The following CNPY1 variants were observed in gnomAD, a reference collection of about 807,000 sequenced individuals.
CNPY1 encodes the protein canopy FGF signaling regulator 1.
Under a neutral mutation model 14.4 loss-of-function variants are expected in CNPY1, and 14 were observed. The ratio of observed to expected loss-of-function variants is 0.97; its 90% CI spans 0.64 to 1.52. The LOEUF (loss-of-function observed/expected upper bound fraction) is 1.52, where lower values mean the gene tolerates loss of function less well. Ranked by LOEUF, CNPY1 falls within the 40% of genes most tolerant of loss-of-function variation. The pLI is 0.00. For missense variants in CNPY1, 129 were observed against 131.5 expected (o/e 0.98, Z 0.09); for synonymous variants, 43 against 46.5 (o/e 0.92, Z 0.31).
Position 155,502,710 on chromosome 7 carries a change from C to T in CNPY1, c.*358G>A. ...GACAGCCACTGCGCTTGCATATGTG[C>T]ACATACACTGTTATAAAATAAGCAG... On this transcript the variant is annotated 3_prime_UTR_variant, in exon 5 of 5. Transcript: ENST00000636446. 4.3e-6 allele frequency: 1 copy of T among 235,068 alleles called. No homozygotes were observed. Among genetic ancestry groups the T allele is most frequent in the Non-Finnish European group, 8.3e-6 (1 of 120,094 alleles). The allele number at this position is 235,068 out of a possible 1,614,324, so 14.6% of individuals were successfully genotyped here.
intron 2 of CNPY1, among the ~76,000 whole-genome samples, chr7:155,518,096 T>C (rs1796655956): frequency 6.6e-6 from 1 of 152,160 alleles, no homozygotes; most frequent in African/African-American, 2.4e-5. Context: ...AAGCTCTCTC[T>C]GCCGAAACCC....
intron 3 of CNPY1, among the ~76,000 whole-genome samples, chr7:155,508,139 T>C (rs1413799140): frequency 6.6e-6 from 1 of 152,254 alleles, no homozygotes; most frequent in African/African-American, 2.4e-5. Context: ...TAATACATTT[T>C]TTAAAACAGG....
At chr7:155,529,023 T>C (rs1796886996) in intron 2 of CNPY1, among the ~76,000 whole-genome samples, 2 of 150,494 alleles carry the variant, frequency 1.3e-5, no homozygotes, top group South Asian at 4.2e-4. Context: ...ATCGCGCCAC[T>C]GCACTCCAGC....
intron 2 of CNPY1, among the ~76,000 whole-genome samples, chr7:155,515,309 G>C (rs59509378): frequency 0.089 from 8,762 of 98,798 alleles, 30 homozygotes; most frequent in Non-Finnish European, 0.11. Flanking sequence ...CCCCCCCCCC[G>C]GCCCCGGCCA....
intron 4 of CNPY1, among the ~76,000 whole-genome samples, chr7:155,504,748 G>A (rs74604482): frequency 0.037 from 5,509 of 150,204 alleles, 326 homozygotes; most frequent in African/African-American, 0.13. Context: ...TTAAGACACT[G>A]TTTAAACTCT....
chr7:155,533,112 G>A (rs1796968641), intron 2 of CNPY1, among the ~76,000 whole-genome samples: 1 of 152,196 alleles, frequency 6.6e-6, no homozygotes, highest in African/African-American at 2.4e-5. Flanking sequence ...GAGTAACCAA[G>A]CATACGCCGT....
chr7:155,525,185 T>C (rs1237525982), intron 2 of CNPY1, among the ~76,000 whole-genome samples: 1 of 152,210 alleles, frequency 6.6e-6, no homozygotes, highest in Non-Finnish European at 1.5e-5. Context: ...TTCTTTCTTT[T>C]TTTTTATTTT....
In CNPY1 at chr7:155,501,256, C is replaced by T. The variant is rs999257048; in HGVS notation, c.*1812G>A. The T allele has an allele frequency of 1.3e-5, 2 of 152,202 alleles. No individual in the cohort carries two copies. Among genetic ancestry groups the T allele is most frequent in the South Asian group, 2.1e-4 (1 of 4,828 alleles). The allele number at this position is 152,202 out of a possible 1,614,324, so 9.4% of individuals were successfully genotyped here. A position where few individuals can be genotyped will look rare whatever the true frequency, so the allele number is the denominator to read the frequency against. ...GCCCTCTCCATTCAAAGCAAAGCAT[C>T]ACTGTCCATGAAAGGCACCCCTCAG... On this transcript the variant is annotated 3_prime_UTR_variant, in exon 5 of 5. Transcript: ENST00000636446.
intron 2 of CNPY1, among the ~76,000 whole-genome samples, 161 bp from the exon 3 acceptor site, chr7:155,509,258 A>C (rs772907751): frequency 6.6e-6 from 1 of 152,222 alleles, no homozygotes; most frequent in Non-Finnish European, 1.5e-5. Flanking sequence ...TGTTATTACA[A>C]TGTAACAACG....
chr7:155,537,452 T>G (rs1245189611), intron 2 of CNPY1, among the ~76,000 whole-genome samples: 1 of 151,282 alleles, frequency 6.6e-6, no homozygotes, highest in South Asian at 2.1e-4. Context: ...AGACGGAGTT[T>G]CGCTTTTGTC....
chr7:155,523,791 C>A (rs1796769910), intron 2 of CNPY1, among the ~76,000 whole-genome samples: 1 of 152,202 alleles, frequency 6.6e-6, no homozygotes, highest in Non-Finnish European at 1.5e-5. Flanking sequence ...GAAAAAGGGT[C>A]TTTGCAGATA....
chr7:155,537,424 CT>C (rs557551511), intron 2 of CNPY1, among the ~76,000 whole-genome samples: 7,467 of 137,682 alleles, frequency 0.054, 163 homozygotes, highest in African/African-American at 0.086. Context: ...TTTTTCTTTT[CT>C]TTTTTTTTTT....
At chr7:155,537,644 C>CA (rs1289931254) in intron 2 of CNPY1, among the ~76,000 whole-genome samples, 1 of 152,040 alleles carries the variant, frequency 6.6e-6, no homozygotes, top group Non-Finnish European at 1.5e-5. Flanking sequence ...AGGCTGGTCT[C>CA]AAACTCCTGA....
chr7:155,501,810 C>T lies in CNPY1; in HGVS notation c.*1258G>A, dbSNP rs1796119250. 3 of 152,304 alleles carry T rather than the reference C, an allele frequency of 2.0e-5. No individual in the cohort carries two copies. The highest frequency in any genetic ancestry group is 2.1e-4 in the South Asian group (1 of 4,832). The allele number at this position is 152,304 out of a possible 1,614,324, so 9.4% of individuals were successfully genotyped here. On this transcript the variant is annotated 3_prime_UTR_variant, in exon 5 of 5. Coordinates refer to ENST00000636446, the MANE Select transcript of CNPY1 (RefSeq NM_001393663.1). ...AAGAAGCACCCAAGTAATTAAGTGA[C>T]ATTAACTCACTAACTTTTAATCAGA...
At chr7:155,527,660 C>T (rs1796855011) in intron 2 of CNPY1, among the ~76,000 whole-genome samples, 1 of 151,518 alleles carries the variant, frequency 6.6e-6, no homozygotes. Flanking sequence ...CTGTGTTGCC[C>T]AGGCTGGTCT....
At chr7:155,519,344 A>T (rs768610865) in intron 2 of CNPY1, among the ~76,000 whole-genome samples, 1 of 152,032 alleles carries the variant, frequency 6.6e-6, no homozygotes, top group African/African-American at 2.4e-5. Context: ...ACATAGTGAG[A>T]GCTTGTCTCT....
At chr7:155,533,164 G>A (rs1796970263) in intron 2 of CNPY1, among the ~76,000 whole-genome samples, 2 of 152,164 alleles carry the variant, frequency 1.3e-5, no homozygotes, top group South Asian at 4.1e-4. Flanking sequence ...ACAGGCAGCC[G>A]CAGAAACAGC....
chr7:155,524,541 G>C (rs530105427), intron 2 of CNPY1, among the ~76,000 whole-genome samples: 1 of 152,126 alleles, frequency 6.6e-6, no homozygotes, highest in Non-Finnish European at 1.5e-5. Flanking sequence ...TATTGTGAAC[G>C]GCACATGCAA....
At chr7:155,514,622 C>T (rs941064523) in intron 2 of CNPY1, among the ~76,000 whole-genome samples, 2 of 152,186 alleles carry the variant, frequency 1.3e-5, no homozygotes, top group African/African-American at 2.4e-5. Context: ...TGGCTGGGTG[C>T]AGTGGCTCAC....
Sources: gnomAD v4.1 joint callset for allele counts (sites outside exome capture counted in the v4.1 genomes callset) on GRCh38, gnomAD v4.1.1 for gene constraint, MANE v1.5 for transcripts, NCBI Gene and HGNC (gene_info 2026-07-23, HGNC 2026-07-21) for gene names.